Variants in CSMD1 observed in about 807,000 individuals in gnomAD.
CSMD1 encodes CUB and sushi domain-containing protein 1.
In CSMD1, 213 loss-of-function variants were observed where a neutral mutation model predicts 417.5. The observed-to-expected ratio is 0.51, with a 90% CI of 0.46 to 0.57. The LOEUF (loss-of-function observed/expected upper bound fraction) is 0.57, where lower values mean the gene tolerates loss of function less well. CSMD1 is among the 20% of genes least tolerant of loss of function. CSMD1 has a pLI of 0.00. For missense variants in CSMD1, 6,923 were observed against 4,529.7 expected (o/e 1.53, Z -15.17); for synonymous variants, 2,862 against 1,736.8 (o/e 1.65, Z -16.11).
At chr8:3,292,230 G>A (rs1584941976) in intron 25 of CSMD1, among the ~76,000 whole-genome samples, 1 of 152,282 alleles carries the variant, frequency 6.6e-6, no homozygotes, top group East Asian at 1.9e-4. Flanking sequence ...ATTTGCTGAG[G>A]AGTGCTTTAC....
intron 3 of CSMD1, among the ~76,000 whole-genome samples, chr8:4,354,599 C>CT (rs1801289156): frequency 6.6e-6 from 1 of 152,046 alleles, no homozygotes; most frequent in African/African-American, 2.4e-5. Context: ...ACCTTACCAC[C>CT]TTCTCCTTGA....
chr8:4,978,379 T>C (rs373344521), intron 1 of CSMD1, among the ~76,000 whole-genome samples: 1 of 152,136 alleles, frequency 6.6e-6, no homozygotes, highest in African/African-American at 2.4e-5. Flanking sequence ...CTGACTGCCT[T>C]AACATTATTA....
chr8:4,755,735 G>T (rs547117377), intron 1 of CSMD1, among the ~76,000 whole-genome samples: 22 of 152,268 alleles, frequency 1.4e-4, no homozygotes, highest in African/African-American at 5.3e-4. Flanking sequence ...TCTGTATGTA[G>T]AGTTACATAT....
At chr8:4,773,257 A>G (rs1796684948) in intron 1 of CSMD1, among the ~76,000 whole-genome samples, 1 of 151,584 alleles carries the variant, frequency 6.6e-6, no homozygotes, top group Non-Finnish European at 1.5e-5. Context: ...AGATTTTGGA[A>G]TTATAGATTA....
At chr8:3,785,315 C>A (rs535672631) in intron 5 of CSMD1, among the ~76,000 whole-genome samples, 17 of 152,162 alleles carry the variant, frequency 1.1e-4, no homozygotes, top group Non-Finnish European at 2.2e-4. Flanking sequence ...CTTCAGGCTG[C>A]GGAAAATAAA....
chr8:3,658,837 A>G (rs971927641), intron 7 of CSMD1, among the ~76,000 whole-genome samples: 8 of 152,182 alleles, frequency 5.3e-5, no homozygotes, highest in Non-Finnish European at 8.8e-5. Flanking sequence ...ATTATGGTTA[A>G]TAACATTGAA....
In CSMD1 at chr8:4,107,652, A is replaced by T. The variant is rs1214742543; in HGVS notation, c.416-75553T>A. On this transcript the variant is annotated intron_variant, in intron 3 of 69. Transcript: ENST00000635120. Reference sequence around the variant, plus strand: ...GTACAATGAGCACCACCGAAAGCTCATTTGAAGTACAATCCATCATCTGTG... The same window carrying T: ...GTACAATGAGCACCACCGAAAGCTCTTTTGAAGTACAATCCATCATCTGTG... 5.9e-5 allele frequency among the ~76,000 whole-genome samples: 9 copies of T among 152,204 alleles called. No homozygotes were observed. The South Asian group carries it at 1.9e-3, about 31-fold the overall frequency.
At chr8:3,864,940 G>A (rs1804978773) in intron 5 of CSMD1, among the ~76,000 whole-genome samples, 1 of 152,176 alleles carries the variant, frequency 6.6e-6, no homozygotes, top group Non-Finnish European at 1.5e-5. Flanking sequence ...CTTCTGTTCT[G>A]GGTGAACGAG....
intron 10 of CSMD1, among the ~76,000 whole-genome samples, chr8:3,560,492 G>C (rs1186285073): frequency 1.3e-5 from 2 of 152,154 alleles, no homozygotes; most frequent in East Asian, 3.9e-4. Context: ...TGCTGTATTA[G>C]TGCCCTAGAA....
Position 4,296,844 on chromosome 8 carries a change from G to A in CSMD1, c.415+123109C>T, listed in dbSNP as rs1417795256. ...ATCTGAAGATATCTGTGGAGGGCCT[G>A]CTATCTCCCAGACTTGTCTTAGACT... On this transcript the variant is annotated intron_variant, in intron 3 of 69. Coordinates refer to ENST00000635120, the MANE Select transcript of CSMD1 (RefSeq NM_033225.6). Among the ~76,000 whole-genome samples the A allele has an allele frequency of 6.6e-5, 10 of 152,066 alleles. No individual in the cohort carries two copies. In the East Asian group the frequency reaches 9.7e-4, roughly 15 times the overall value.
intron 7 of CSMD1, among the ~76,000 whole-genome samples, chr8:3,695,751 G>C (rs1299321502): frequency 6.6e-6 from 1 of 152,252 alleles, no homozygotes; most frequent in Admixed American, 6.5e-5. Context: ...CTAAACCCTA[G>C]TCTGAGCATA....
chr8:3,162,366 C>T (rs1230834146), intron 37 of CSMD1, 89 bp from the exon 38 acceptor site: 1 of 829,386 alleles, frequency 1.2e-6, no homozygotes, highest in Non-Finnish European at 2.0e-6. Flanking sequence ...CTATTGCTCT[C>T]CTTCTGTAGA....
intron 1 of CSMD1, among the ~76,000 whole-genome samples, chr8:4,909,073 G>A (rs1035005597): frequency 1.3e-5 from 2 of 152,092 alleles, no homozygotes; most frequent in East Asian, 1.9e-4. Context: ...TGTGTTAATC[G>A]GACTAGGAGT....
chr8:4,270,783 C>G (rs1377183307), intron 3 of CSMD1, among the ~76,000 whole-genome samples: 3 of 152,170 alleles, frequency 2.0e-5, no homozygotes, highest in Non-Finnish European at 4.4e-5. Context: ...CCCCAGGGGG[C>G]TGTGGCTTCC....
chr8:3,336,634 G>C (rs1433899007), intron 23 of CSMD1, among the ~76,000 whole-genome samples: 2 of 152,198 alleles, frequency 1.3e-5, no homozygotes, highest in Non-Finnish European at 2.9e-5. Flanking sequence ...GGCACACTGA[G>C]AGCATGTACT....
chr8:3,295,975 G>C (rs994876726), intron 25 of CSMD1, among the ~76,000 whole-genome samples: 3 of 152,074 alleles, frequency 2.0e-5, no homozygotes, highest in African/African-American at 7.2e-5. Flanking sequence ...TGGAGTTCGT[G>C]TTGTACAGGG....
chr8:3,471,327 T>A (rs900726369), intron 11 of CSMD1, among the ~76,000 whole-genome samples: 4 of 152,210 alleles, frequency 2.6e-5, no homozygotes, highest in Non-Finnish European at 5.9e-5. Flanking sequence ...AAAACTCTCT[T>A]GATATATTGT....
intron 26 of CSMD1, among the ~76,000 whole-genome samples, chr8:3,266,079 G>A (rs1475655683): frequency 1.3e-5 from 2 of 151,920 alleles, no homozygotes; most frequent in East Asian, 3.9e-4. Context: ...ATGAATCCAT[G>A]TCCATGCCTG....
intron 2 of CSMD1, among the ~76,000 whole-genome samples, chr8:4,486,457 A>T (rs1484311353): frequency 6.6e-6 from 1 of 151,550 alleles, no homozygotes; most frequent in African/African-American, 2.4e-5. Flanking sequence ...TATATATTTT[A>T]AAAATATTTC....
Sources: allele counts gnomAD v4.1 joint callset (sites outside exome capture counted in the v4.1 genomes callset), GRCh38; gene constraint gnomAD v4.1.1; transcripts MANE v1.5; gene names NCBI Gene and HGNC (gene_info 2026-07-23, HGNC 2026-07-21).